Variants in CAPZB observed in about 807,000 individuals in gnomAD.
The protein encoded by CAPZB is F-actin-capping protein subunit beta.
In CAPZB, 2 loss-of-function variants were observed where a neutral mutation model predicts 38.1. The ratio of observed to expected loss-of-function variants is 0.05; its 90% CI spans 0.02 to 0.17. CAPZB has a LOEUF of 0.17. CAPZB is among the 10% of genes least tolerant of loss of function. The pLI, the probability that CAPZB is intolerant of heterozygous loss-of-function variation, is 1.00. For synonymous variants in CAPZB, 107 were observed against 127.4 expected (o/e 0.84, Z 1.08); for missense variants, 161 against 334.2 (o/e 0.48, Z 4.04).
intron 1 of CAPZB, among the ~76,000 whole-genome samples, chr1:19,423,727 AC>A (rs2094410846): frequency 6.6e-6 from 1 of 150,994 alleles, no homozygotes; most frequent in African/African-American, 2.4e-5. Context: ...TCACTTTGTT[AC>A]CCAGGCTGGA....
chr1:19,359,736 G>A (rs1438932504), intron 4 of CAPZB, among the ~76,000 whole-genome samples: 1 of 152,242 alleles, frequency 6.6e-6, no homozygotes, highest in Non-Finnish European at 1.5e-5. Context: ...GCTCTGGCCA[G>A]GTGCAGCACA....
intron 1 of CAPZB, among the ~76,000 whole-genome samples, chr1:19,483,566 G>A (rs2094638503): frequency 6.6e-6 from 1 of 152,266 alleles, no homozygotes; most frequent in African/African-American, 2.4e-5. Context: ...CTCCTGAGAA[G>A]CTTCAGGTGT....
intron 1 of CAPZB, among the ~76,000 whole-genome samples, chr1:19,483,624 G>GA (rs1307430748): frequency 1.3e-5 from 2 of 152,228 alleles, no homozygotes; most frequent in Non-Finnish European, 2.9e-5. Context: ...CACCTGGCGA[G>GA]AATCGCTGCT....
At chr1:19,405,590 T>G (rs1171701767) in intron 2 of CAPZB, among the ~76,000 whole-genome samples, 1 of 150,940 alleles carries the variant, frequency 6.6e-6, no homozygotes, top group Non-Finnish European at 1.5e-5. Flanking sequence ...GGATAATCCT[T>G]TCAGCCTGGG....
chr1:19,437,209 GC>G (rs2094460925), intron 1 of CAPZB, among the ~76,000 whole-genome samples: 1 of 152,200 alleles, frequency 6.6e-6, no homozygotes, highest in Non-Finnish European at 1.5e-5. Flanking sequence ...AAACAGTCTT[GC>G]AATAAGGAAC....
intron 1 of CAPZB, among the ~76,000 whole-genome samples, chr1:19,447,428 T>C (rs917168247): frequency 4.9e-5 from 7 of 144,300 alleles, no homozygotes; most frequent in African/African-American, 1.8e-4. Flanking sequence ...AGAGATGGGG[T>C]TTCACCATGT....
At chr1:19,422,759 C>CAACAACAAA (rs1400657626) in intron 1 of CAPZB, among the ~76,000 whole-genome samples, 2 of 145,574 alleles carry the variant, frequency 1.4e-5, no homozygotes, top group Admixed American at 1.4e-4. Flanking sequence ...ACAACAACAA[C>CAACAACAAA]AAACCCACAC....
intron 2 of CAPZB, among the ~76,000 whole-genome samples, chr1:19,391,119 A>G (rs1160647732): frequency 1.3e-5 from 2 of 152,068 alleles, no homozygotes; most frequent in Non-Finnish European, 2.9e-5. Flanking sequence ...TCACACGAAG[A>G]GATACAAATC....
Position 19,400,753 on chromosome 1 carries a change from T to C in CAPZB, c.94-15127A>G, listed in dbSNP as rs75213857. Reference sequence around the variant, plus strand: ...AGGTTCCCCAAATGAAGGACCTGGATAGATCTTGTAGGAAAAAAAATCCTA... The same window carrying C: ...AGGTTCCCCAAATGAAGGACCTGGACAGATCTTGTAGGAAAAAAAATCCTA... On this transcript the variant is annotated intron_variant, in intron 2 of 8. Transcript: ENST00000264202. Among the ~76,000 whole-genome samples the C allele has an allele frequency of 0.01, 1,529 of 152,252 alleles. 63 individuals carry two copies. In the East Asian group the frequency reaches 0.13, roughly 13 times the overall value.
At chr1:19,342,071 A>G (rs2093932223) in intron 8 of CAPZB, among the ~76,000 whole-genome samples, 2 of 152,238 alleles carry the variant, frequency 1.3e-5, no homozygotes, top group Admixed American at 6.5e-5. Context: ...GCCATTACCA[A>G]CAAGCAAGAC....
intron 2 of CAPZB, among the ~76,000 whole-genome samples, chr1:19,408,065 C>T (rs1035634768): frequency 1.1e-4 from 16 of 152,188 alleles, no homozygotes; most frequent in African/African-American, 2.9e-4. Flanking sequence ...CAATGGAGGG[C>T]CTCTTAATCT....
intron 6 of CAPZB, among the ~76,000 whole-genome samples, chr1:19,348,575 AG>A (rs1465421076): frequency 6.6e-6 from 1 of 152,084 alleles, no homozygotes; most frequent in Non-Finnish European, 1.5e-5. Flanking sequence ...GCTGTCTGCC[AG>A]GGGAACAGAC....
chr1:19,400,899 G>A (rs1428463352), intron 2 of CAPZB, among the ~76,000 whole-genome samples: 1 of 152,104 alleles, frequency 6.6e-6, no homozygotes, highest in Non-Finnish European at 1.5e-5. Flanking sequence ...ACCTTGCCCC[G>A]ATCCTGACCT....
chr1:19,469,207 G>C (rs1180149935), intron 1 of CAPZB, among the ~76,000 whole-genome samples: 2 of 152,194 alleles, frequency 1.3e-5, no homozygotes, highest in Non-Finnish European at 2.9e-5. Flanking sequence ...AGGCAGGAGG[G>C]AACAGGCAGG....
chr1:19,426,368 G>A lies in CAPZB; in HGVS notation c.4-6618C>T, dbSNP rs1365074864. ...GAAGCAGATTATATTTTCCAAAAAT[G>A]ACCATAACAAGCAGTCCCATCCCAC... is the stretch of plus-strand genomic sequence containing the variant. On this transcript the variant is annotated intron_variant, in intron 1 of 8. Coordinates refer to ENST00000264202, the MANE Select transcript of CAPZB (RefSeq NM_004930.5). Among the ~76,000 whole-genome samples, 3 of 151,806 alleles carry A rather than the reference G, an allele frequency of 2.0e-5. No individual in the cohort carries two copies. The East Asian group carries it at 5.8e-4, about 29-fold the overall frequency.
At chr1:19,424,447 T>C (rs72653922) in intron 1 of CAPZB, 4,242 of 152,316 alleles carry the variant, frequency 0.028, 89 homozygotes, top group Non-Finnish European at 0.039. Context: ...GGAGGATCGT[T>C]CAAGCCCAGG....
chr1:19,390,418 G>A (rs529581424), intron 2 of CAPZB, among the ~76,000 whole-genome samples: 2 of 152,254 alleles, frequency 1.3e-5, no homozygotes, highest in African/African-American at 2.4e-5. Context: ...ACTGCCTAAC[G>A]GCCTTGGAGG....
At chr1:19,447,551 G>A (rs2094500784) in intron 1 of CAPZB, among the ~76,000 whole-genome samples, 1 of 152,020 alleles carries the variant, frequency 6.6e-6, no homozygotes, top group South Asian at 2.1e-4. Context: ...TAATCTTTGA[G>A]GGAACTCAGC....
At chr1:19,413,784 T>A (rs1227349864) in intron 2 of CAPZB, among the ~76,000 whole-genome samples, 1 of 152,198 alleles carries the variant, frequency 6.6e-6, no homozygotes, top group African/African-American at 2.4e-5. Context: ...AGATCCTATC[T>A]GGCCTTCAAG....
Sources: gnomAD v4.1 joint callset for allele counts (sites outside exome capture counted in the v4.1 genomes callset) on GRCh38, gnomAD v4.1.1 for gene constraint, MANE v1.5 for transcripts, NCBI Gene and HGNC (gene_info 2026-07-23, HGNC 2026-07-21) for gene names.